The following COBL variants were observed in gnomAD, a reference collection of about 807,000 sequenced individuals.
The protein encoded by COBL is cordon-bleu WH2 repeat protein.
A neutral mutation model predicts 98.8 loss-of-function variants in COBL; 51 were observed. The ratio of observed to expected loss-of-function variants is 0.52; its 90% confidence interval spans 0.41 to 0.65. The LOEUF (loss-of-function observed/expected upper bound fraction) is 0.65, where lower values mean the gene tolerates loss of function less well. Among genes scored for constraint, COBL ranks in the 30% least tolerant of loss-of-function variants. The probability of loss-of-function intolerance (pLI) is 0.00; values close to 1 mark genes in which losing one functional copy is unlikely to be tolerated. For synonymous variants in COBL, 634 were observed against 651.7 expected, an observed-to-expected ratio of 0.97 and a Z score of 0.41; for missense variants, 1,617 against 1,617.5, an observed-to-expected ratio of 1.00 and a Z score of 0.01.
chr7:51,071,109 T>C (rs1792503817), intron 7 of COBL: 1 of 152,198 alleles, frequency 6.6e-6, no homozygotes, highest in Non-Finnish European at 1.5e-5. Flanking sequence ...GCTCTCAACT[T>C]GCCTGCACGT....
chr7:51,222,889 C>T (rs1411592519), intron 1 of COBL, among the ~76,000 whole-genome samples: 1 of 152,080 alleles, frequency 6.6e-6, no homozygotes, highest in South Asian at 2.1e-4. Context: ...TTTGACTGCC[C>T]CACACTTATC....
intron 2 of COBL, among the ~76,000 whole-genome samples, chr7:51,212,736 C>G (rs1792575732): frequency 6.6e-6 from 1 of 152,188 alleles, no homozygotes; most frequent in Admixed American, 6.5e-5. Context: ...TGCACCATAG[C>G]AAGGGATTGC....
intron 6 of COBL, among the ~76,000 whole-genome samples, chr7:51,128,515 G>T (rs1798435012): frequency 6.6e-6 from 1 of 151,892 alleles, no homozygotes; most frequent in Non-Finnish European, 1.5e-5. Flanking sequence ...GCGGGGAGGG[G>T]AGAGAAATGA....
intron 5 of COBL, among the ~76,000 whole-genome samples, chr7:51,162,939 C>G (rs187127014): frequency 6.6e-5 from 10 of 152,334 alleles, no homozygotes; most frequent in Admixed American, 3.3e-4. Context: ...CCAATACTCA[C>G]TGCAATGTTT....
intron 1 of COBL, among the ~76,000 whole-genome samples, chr7:51,249,842 C>G (rs552033484): frequency 1.5e-4 from 23 of 152,262 alleles, no homozygotes; most frequent in African/African-American, 5.5e-4. Context: ...TTTCAAACAC[C>G]TGTAATCCCA....
chr7:51,223,883 T>C (rs1409879067), intron 1 of COBL, among the ~76,000 whole-genome samples: 1 of 152,226 alleles, frequency 6.6e-6, no homozygotes, highest in Admixed American at 6.5e-5. Flanking sequence ...GCAAGGACAT[T>C]TGTATTCTCA....
intron 6 of COBL, among the ~76,000 whole-genome samples, chr7:51,130,081 AGGTTGATGT>A (rs879403574): frequency 2.0e-5 from 3 of 152,182 alleles, no homozygotes; most frequent in Non-Finnish European, 4.4e-5. Context: ...ATTCCCTGAC[AGGTTGATGT>A]GGTTGATGTG....
intron 5 of COBL, among the ~76,000 whole-genome samples, chr7:51,150,747 A>G (rs1267906460): frequency 1.3e-5 from 2 of 152,154 alleles, no homozygotes; most frequent in South Asian, 2.1e-4. Flanking sequence ...GCTGCTCAAG[A>G]TTGGGCAGAG....
In COBL at chr7:51,193,474, T is replaced by C. The variant is rs951177552; in HGVS notation, c.361A>G (p.Asn121Asp). 1.2e-6 allele frequency: 2 copies of C among 1,614,206 alleles called. No homozygotes were observed. The highest frequency in any genetic ancestry group is 1.7e-5 in the Admixed American group (1 of 60,032). Residue 121 changes from asparagine (N) to aspartate (D), a missense_variant, in exon 3 of 13, where the codon AAT becomes GAT. Coordinates refer to ENST00000265136, the MANE Select transcript of COBL (RefSeq NM_015198.5). Reference protein sequence around the residue: ...ETQQPLSFKPNTLIGTLNVHT... With the variant: ...ETQQPLSFKPDTLIGTLNVHT... Reference sequence around the variant, plus strand: ...ACATTCAGGGTCCCAATCAAAGTATTTGGCTTAAAACTCAAAGGTTGTTGG... The same window carrying C: ...ACATTCAGGGTCCCAATCAAAGTATCTGGCTTAAAACTCAAAGGTTGTTGG...
chr7:51,117,145 A>G (rs1481223094), intron 6 of COBL, among the ~76,000 whole-genome samples: 1 of 140,238 alleles, frequency 7.1e-6, no homozygotes, highest in Non-Finnish European at 1.5e-5. Flanking sequence ...CCTTAAGTCT[A>G]TTTTTAAGTA....
intron 1 of COBL, among the ~76,000 whole-genome samples, chr7:51,251,958 T>C (rs150030900): frequency 6.6e-6 from 1 of 152,298 alleles, no homozygotes; most frequent in African/African-American, 2.4e-5. Flanking sequence ...ACATGTCTCC[T>C]AAGAGTAAGA....
At chr7:51,017,666 A>G in intron 12 of COBL, 98 bp from the exon 13 acceptor site, 5 of 1,265,468 alleles carry the variant, frequency 4.0e-6, no homozygotes, top group South Asian at 1.2e-5. Context: ...CACTCTTGCA[A>G]TAGTACTCCT....
chr7:51,180,513 C>T (rs1183714353), intron 5 of COBL, among the ~76,000 whole-genome samples: 3 of 152,122 alleles, frequency 2.0e-5, no homozygotes, highest in Non-Finnish European at 2.9e-5. Flanking sequence ...CCAGCAAAGC[C>T]AACTAAAATG....
chr7:51,307,356 A>C (rs189454912), intron 1 of COBL, among the ~76,000 whole-genome samples: 1 of 151,808 alleles, frequency 6.6e-6, no homozygotes, highest in East Asian at 1.9e-4. Flanking sequence ...CTCAAAACAA[A>C]AACAAAAACA....
intron 1 of COBL, among the ~76,000 whole-genome samples, chr7:51,294,809 G>A (rs529703760): frequency 1.3e-5 from 2 of 151,704 alleles, no homozygotes; most frequent in African/African-American, 4.8e-5. Context: ...CCTTGTACAT[G>A]GTCTATGCTC....
chr7:51,185,043 T>C (rs1029651038), intron 4 of COBL, among the ~76,000 whole-genome samples: 1 of 152,224 alleles, frequency 6.6e-6, no homozygotes, highest in African/African-American at 2.4e-5. Context: ...TTTTCTTCTT[T>C]CTTTTTCCTG....
intron 1 of COBL, among the ~76,000 whole-genome samples, chr7:51,228,969 T>C (rs1294349748): frequency 2.6e-5 from 4 of 152,050 alleles, no homozygotes; most frequent in African/African-American, 9.7e-5. Flanking sequence ...ACAAATGAAA[T>C]GGAATAGATC....
At chr7:51,272,946 TACC>T (rs376522276) in intron 1 of COBL, among the ~76,000 whole-genome samples, 3,017 of 148,576 alleles carry the variant, frequency 0.02, 95 homozygotes, top group African/African-American at 0.072. Context: ...TGGAACACAA[TACC>T]AACAACAACA....
chr7:51,030,707 G>T, intron 9 of COBL, 105 bp downstream of exon 9: 1 of 751,406 alleles, frequency 1.3e-6, no homozygotes, highest in Non-Finnish European at 2.3e-6. Context: ...CCTTCTGAAG[G>T]CTGTTTCCTC....
Sources: gnomAD v4.1 joint callset for allele counts (sites outside exome capture counted in the v4.1 genomes callset) on GRCh38, gnomAD v4.1.1 for gene constraint, MANE v1.5 for transcripts, NCBI Gene and HGNC (gene_info 2026-07-23, HGNC 2026-07-21) for gene names.